The following ZNF782 variants were observed in gnomAD, a reference collection of about 807,000 sequenced individuals.
The protein encoded by ZNF782 is zinc finger protein 782.
In ZNF782, 12 loss-of-function variants were observed where a neutral mutation model predicts 13.0. That is an observed-to-expected ratio of 0.92 (90% CI 0.59 to 1.50). The LOEUF is 1.50. Ranked by LOEUF, ZNF782 falls within the 40% of genes most tolerant of loss-of-function variation. The probability of loss-of-function intolerance (pLI) is 0.00; values close to 1 mark genes in which losing one functional copy is unlikely to be tolerated. For missense variants in ZNF782, 770 were observed against 822.9 expected, an observed-to-expected ratio of 0.94 and a Z score of 0.79; for synonymous variants, 284 against 283.0, an observed-to-expected ratio of 1.00 and a Z score of -0.04.
intron 4 of ZNF782, among the ~76,000 whole-genome samples, chr9:96,841,203 T>C (rs1253225850): frequency 6.6e-6 from 1 of 152,032 alleles, no homozygotes; most frequent in Middle Eastern, 3.4e-3. Context: ...ATTCACCTAA[T>C]AGAAATAATT....
At chr9:96,826,960 G>T in intron 5 of ZNF782, 120 bp downstream of exon 5, 1 of 655,242 alleles carries the variant, frequency 1.5e-6, no homozygotes, top group Non-Finnish European at 2.4e-6. Flanking sequence ...TATCTCTGCT[G>T]ATTTTTGTTT....
intron 4 of ZNF782, among the ~76,000 whole-genome samples, chr9:96,836,315 C>A (rs1479706543): frequency 6.6e-6 from 1 of 151,540 alleles, no homozygotes. Flanking sequence ...CGGATTCAAG[C>A]GCTTCTCCTG....
intron 1 of ZNF782, among the ~76,000 whole-genome samples, chr9:96,863,356 A>AT (rs1423836213): frequency 2.0e-5 from 3 of 152,168 alleles, no homozygotes; most frequent in Non-Finnish European, 4.4e-5. Context: ...AAAATAAAAA[A>AT]AAAAAAATAC....
chr9:96,873,342 G>A (rs1851850285), intron 1 of ZNF782, among the ~76,000 whole-genome samples: 1 of 152,154 alleles, frequency 6.6e-6, no homozygotes, highest in African/African-American at 2.4e-5. Context: ...TGACATACAT[G>A]AGTGGTCAAA....
chr9:96,910,932 G>C, the ZNF782 span, among the ~76,000 whole-genome samples: 3 of 149,276 alleles, frequency 2.0e-5, no homozygotes, highest in Non-Finnish European at 4.5e-5. Flanking sequence ...CATCGCGCCC[G>C]GCCTGCTTTT....
upstream of ZNF782, among the ~76,000 whole-genome samples, chr9:96,857,868 T>C (rs192857065): frequency 9.8e-5 from 15 of 152,384 alleles, no homozygotes; most frequent in African/African-American, 3.1e-4. Flanking sequence ...ATAGTTTTCA[T>C]TGTTCATTGG....
the ZNF782 span, among the ~76,000 whole-genome samples, chr9:96,886,473 A>C: frequency 6.6e-6 from 1 of 152,234 alleles, no homozygotes; most frequent in Non-Finnish European, 1.5e-5. Context: ...TTTTATTTTA[A>C]AAGTGGAGAG....
upstream of ZNF782, among the ~76,000 whole-genome samples, chr9:96,879,760 T>G (rs778929176): frequency 3.0e-4 from 45 of 152,374 alleles, no homozygotes; most frequent in Non-Finnish European, 5.7e-4. Flanking sequence ...AATAAGCTTA[T>G]GTTTAATTTC....
At chr9:96,867,296 T>G (rs997304566) in intron 1 of ZNF782, among the ~76,000 whole-genome samples, 1 of 152,132 alleles carries the variant, frequency 6.6e-6, no homozygotes, top group Non-Finnish European at 1.5e-5. Context: ...TCTCATGAGA[T>G]CTGACAGTAT....
upstream of ZNF782, among the ~76,000 whole-genome samples, chr9:96,857,962 A>T (rs1851663800): frequency 6.6e-6 from 1 of 152,222 alleles, no homozygotes; most frequent in Admixed American, 6.5e-5. Context: ...TTATCTTCCA[A>T]GTATACTACC....
chr9:96,828,598 G>A (rs1464427713), intron 4 of ZNF782, among the ~76,000 whole-genome samples: 1 of 152,192 alleles, frequency 6.6e-6, no homozygotes, highest in East Asian at 1.9e-4. Context: ...GGGAGGGTGG[G>A]GCAGGAGGAC....
At chr9:96,862,236 TG>T (rs1851709340) in intron 1 of ZNF782, among the ~76,000 whole-genome samples, 1 of 152,154 alleles carries the variant, frequency 6.6e-6, no homozygotes, top group African/African-American at 2.4e-5. Context: ...GTATGGGGGA[TG>T]GGGGGTAAAG....
chr9:96,885,672 T>C, the ZNF782 span, among the ~76,000 whole-genome samples: 1,937 of 152,050 alleles, frequency 0.013, 49 homozygotes, highest in African/African-American at 0.039. Flanking sequence ...CCCAAAGACA[T>C]TGATGCCAAG....
upstream of ZNF782, among the ~76,000 whole-genome samples, chr9:96,876,144 C>A (rs916846302): frequency 2.0e-5 from 3 of 152,172 alleles, no homozygotes; most frequent in Middle Eastern, 3.2e-3. Flanking sequence ...TTGGAAAAAA[C>A]AGCTGCCAAA....
At chr9:96,881,437 G>T in the ZNF782 span, among the ~76,000 whole-genome samples, 10 of 152,196 alleles carry the variant, frequency 6.6e-5, no homozygotes, top group African/African-American at 2.4e-4. Flanking sequence ...GCATCCAATA[G>T]ATATTATGTT....
chr9:96,920,748 T>C, the ZNF782 span, among the ~76,000 whole-genome samples: 2 of 148,890 alleles, frequency 1.3e-5, no homozygotes, highest in African/African-American at 5.0e-5. Context: ...ACCCCATCTC[T>C]ACTAAAAATA....
chr9:96,835,953 C>T lies in ZNF782; in HGVS notation c.143-8772G>A, dbSNP rs4563997. ...CTAGGACCCCAAAATTGTAGAGCCA[C>T]CAGTAGCATGCAATCTCAGTCTTGA... On this transcript the variant is annotated intron_variant, in intron 4 of 5. Coordinates refer to ENST00000481138, the MANE Select transcript of ZNF782 (RefSeq NM_001001662.3). Among the ~76,000 whole-genome samples, 797 of 152,278 alleles carry T rather than the reference C, an allele frequency of 5.2e-3. 10 individuals are homozygous for T. The highest frequency in any genetic ancestry group is 0.017 in the African/African-American group (701 of 41,566).
the ZNF782 span, among the ~76,000 whole-genome samples, chr9:96,921,047 G>A: frequency 6.8e-6 from 1 of 147,944 alleles, no homozygotes; most frequent in African/African-American, 2.6e-5. Context: ...AAAGTTTTAA[G>A]TAACTAGGGA....
At chr9:96,912,051 A>G in the ZNF782 span, among the ~76,000 whole-genome samples, 1 of 151,100 alleles carries the variant, frequency 6.6e-6, no homozygotes, top group East Asian at 1.9e-4. Flanking sequence ...AATACAAAAA[A>G]TCAGCCGGGC....
Sources: allele counts gnomAD v4.1 joint callset (sites outside exome capture counted in the v4.1 genomes callset), GRCh38; gene constraint gnomAD v4.1.1; transcripts MANE v1.5; gene names NCBI Gene and HGNC (gene_info 2026-07-23, HGNC 2026-07-21).